The following ANKIB1 variants were observed in gnomAD, a reference collection of about 807,000 sequenced individuals.
ANKIB1 encodes ankyrin repeat and IBR domain-containing protein 1.
A neutral mutation model predicts 122.1 loss-of-function variants in ANKIB1; 43 were observed. The observed-to-expected ratio is 0.35, with a 90% CI of 0.28 to 0.45. The LOEUF (loss-of-function observed/expected upper bound fraction) is 0.45. Among genes scored for constraint, ANKIB1 ranks in the 20% least tolerant of loss-of-function variants. The probability of loss-of-function intolerance (pLI) is 1.00; values close to 1 mark genes in which losing one functional copy is unlikely to be tolerated. For synonymous variants in ANKIB1, 390 were observed against 442.0 expected (o/e 0.88, Z 1.48); for missense variants, 992 against 1,329.5 (o/e 0.75, Z 3.95).
At chr7:92,317,098 A>T (rs985722302) in intron 3 of ANKIB1, among the ~76,000 whole-genome samples, 1 of 152,162 alleles carries the variant, frequency 6.6e-6, no homozygotes, top group African/African-American at 2.4e-5. Flanking sequence ...AACCTGTGAA[A>T]CAGAGAGGGT....
intron 8 of ANKIB1, among the ~76,000 whole-genome samples, chr7:92,351,298 G>T (rs1803656849): frequency 6.6e-6 from 1 of 152,022 alleles, no homozygotes; most frequent in African/African-American, 2.4e-5. Context: ...AGAGGAAAGG[G>T]GAAAGGCTAA....
intron 11 of ANKIB1, among the ~76,000 whole-genome samples, chr7:92,380,114 G>C (rs980745087): frequency 6.6e-6 from 1 of 152,214 alleles, no homozygotes; most frequent in African/African-American, 2.4e-5. Context: ...TGGCTCAGCA[G>C]GTCCCACACC....
At position 92,307,475 on chromosome 7, in the gene ANKIB1, G is replaced by T. The variant is rs748534845; in HGVS notation, c.305G>T (p.Arg102Leu). The T allele has an allele frequency of 6.2e-6, 10 of 1,613,676 alleles. No homozygotes were observed. Among genetic ancestry groups the T allele is most frequent in the Middle Eastern group, 1.6e-4 (1 of 6,084 alleles). The stretch of plus-strand genomic sequence containing the variant: ...ATATCTGAAGGAGCCCTTCATCCTC[G>T]CTTGGCACGCCCCACAGAAGATGAT... Reference protein sequence around the residue: ...IMISEGALHPRLARPTEDDFR... With the variant: ...IMISEGALHPLLARPTEDDFR... Residue 102 changes from arginine (R) to leucine (L), a missense_variant, in exon 3 of 20, where the codon CGC becomes CTC. Physicochemically the swap from Arg to Leu is moderately radical, Grantham distance 102 (BLOSUM62 -2). Transcript: ENST00000265742.
rs745642214 is a variant in ANKIB1 at position 92,246,494 on chromosome 7, C to T, written c.-116C>T. 2 of 518,500 alleles carry T rather than the reference C, an allele frequency of 3.9e-6. No individual in the cohort carries two copies. The highest frequency in any genetic ancestry group is 2.8e-5 in the South Asian group (2 of 71,518). The allele number at this position is 518,500 out of a possible 1,614,324, so 32.1% of individuals were successfully genotyped here. On this transcript the variant is annotated 5_prime_UTR_variant, in exon 1 of 20. Transcript: ENST00000265742. ...CTGCGGAGTTGCTGGGTCCACCGAC[C>T]CTTACCCTCAGCGAGAGAAGTAACC... is the stretch of plus-strand genomic sequence containing the variant.
At chr7:92,260,858 T>A (rs558225114) in intron 1 of ANKIB1, among the ~76,000 whole-genome samples, 1 of 152,184 alleles carries the variant, frequency 6.6e-6, no homozygotes, top group Admixed American at 6.5e-5. Flanking sequence ...TAGCACATGA[T>A]AGGTGGTTGA....
intron 2 of ANKIB1, among the ~76,000 whole-genome samples, chr7:92,305,412 G>A (rs1159142605): frequency 6.6e-6 from 1 of 152,134 alleles, no homozygotes; most frequent in Non-Finnish European, 1.5e-5. Flanking sequence ...TCAAAATTAT[G>A]GCATGAATTT....
At position 92,351,651 on chromosome 7, in the gene ANKIB1, C is replaced by A. The variant is rs1451510721; in HGVS notation, c.1230+557C>A. Among the ~76,000 whole-genome samples, 3 of 150,018 alleles carry A rather than the reference C, an allele frequency of 2.0e-5. No homozygotes were observed. In the East Asian group the frequency reaches 5.8e-4, roughly 29 times the overall value. ...GTGTGATTTAAAAGTTACATTTTAA[C>A]TGCTTTGTGCAGATTTTACTGAGTC... On this transcript the variant is annotated intron_variant, in intron 8 of 19. Transcript: ENST00000265742.
chr7:92,319,808 A>G (rs1165191379), intron 4 of ANKIB1: 2 of 288,332 alleles, frequency 6.9e-6, no homozygotes, highest in Non-Finnish European at 1.3e-5. Flanking sequence ...GGTGGCCCAC[A>G]CTCATTGTCC....
intron 1 of ANKIB1, among the ~76,000 whole-genome samples, chr7:92,258,900 C>A (rs1209666049): frequency 1.3e-5 from 2 of 152,102 alleles, no homozygotes; most frequent in Non-Finnish European, 2.9e-5. Context: ...GTAGCATCAA[C>A]CACACATCAA....
chr7:92,300,926 A>G (rs1802444869), intron 2 of ANKIB1, among the ~76,000 whole-genome samples: 1 of 152,102 alleles, frequency 6.6e-6, no homozygotes, highest in African/African-American at 2.4e-5. Context: ...AAAATTCTAC[A>G]TATAAGTGAG....
chr7:92,268,340 G>A lies in ANKIB1; in HGVS notation c.-91+21821G>A, dbSNP rs117791130. ...GAACCGCTGTCAGGTAAATAAAATT[G>A]GAATATAATGGAAGAAAGCATTTCT... On this transcript the variant is annotated intron_variant, in intron 1 of 19. Coordinates refer to ENST00000265742, the MANE Select transcript of ANKIB1 (RefSeq NM_019004.2). Among the ~76,000 whole-genome samples, 125 of 152,236 alleles carry A rather than the reference G, an allele frequency of 8.2e-4. 1 individual carries two copies. In the East Asian group the frequency reaches 0.019, roughly 23 times the overall value.
chr7:92,299,460 T>G (rs1258865680), intron 2 of ANKIB1, among the ~76,000 whole-genome samples: 1 of 152,206 alleles, frequency 6.6e-6, no homozygotes, highest in Non-Finnish European at 1.5e-5. Flanking sequence ...TTTAAGAAAT[T>G]ACCGATGTTG....
Position 92,371,468 on chromosome 7 carries a change from A to T in ANKIB1, c.1487-9A>T. ...ATTTATTTTTGTGATTGTGTTTAATATCCCAAAGTTGTGGGAGTTAGTGAA... is the reference window on the plus strand; with the variant it reads ...ATTTATTTTTGTGATTGTGTTTAATTTCCCAAAGTTGTGGGAGTTAGTGAA... On this transcript the variant is annotated splice_polypyrimidine_tract_variant and intron_variant, in intron 10 of 19. Transcript: ENST00000265742. The T allele has an allele frequency of 6.2e-7, 1 of 1,600,132 alleles. No individual in the cohort carries two copies. The highest frequency in any genetic ancestry group is 8.5e-7 in the Non-Finnish European group (1 of 1,172,486).
At chr7:92,392,371 A>G (rs1057052871) in intron 17 of ANKIB1, 79 bp downstream of exon 17, 6 of 1,284,774 alleles carry the variant, frequency 4.7e-6, no homozygotes, top group Non-Finnish European at 6.6e-6. Context: ...TATCTATTCT[A>G]AATCCTTCTG....
chr7:92,331,545 A>AT (rs1250040898), intron 5 of ANKIB1, among the ~76,000 whole-genome samples: 1 of 152,082 alleles, frequency 6.6e-6, no homozygotes. Flanking sequence ...GAGTGTTGGG[A>AT]TTACAGGCAT....
At chr7:92,391,108 T>C (rs1242353181) in intron 15 of ANKIB1, 58 bp from the exon 16 acceptor site, 5 of 1,422,072 alleles carry the variant, frequency 3.5e-6, no homozygotes, top group Non-Finnish European at 4.7e-6. Context: ...AGACCCTGGA[T>C]TTGCTATTGA....
Position 92,294,892 on chromosome 7 carries a change from G to T in ANKIB1, c.-87G>T. On this transcript the variant is annotated 5_prime_UTR_variant, in exon 2 of 20. It removes an upstream start codon present in the reference 5' UTR. Transcript: ENST00000265742. ...TGAATAACTTTTCCTTCATTAGAATGTGAAAGATGTTGCAGAAGTGTTCCA... is the reference window on the plus strand; with the variant it reads ...TGAATAACTTTTCCTTCATTAGAATTTGAAAGATGTTGCAGAAGTGTTCCA... 3 of 902,652 alleles carry T rather than the reference G, an allele frequency of 3.3e-6. No individual in the cohort carries two copies. The highest frequency in any genetic ancestry group is 4.8e-6 in the Non-Finnish European group (3 of 624,820). 55.9% of individuals were successfully genotyped at this position (902,652 alleles called of 1,614,324 possible). A position where few individuals can be genotyped will look rare whatever the true frequency, so the allele number is the denominator to read the frequency against.
intron 1 of ANKIB1, among the ~76,000 whole-genome samples, chr7:92,249,552 C>G (rs1355722541): frequency 1.3e-5 from 2 of 152,070 alleles, no homozygotes; most frequent in African/African-American, 2.4e-5. Context: ...AACTCTGTCT[C>G]TACTAAAGAT....
intron 1 of ANKIB1, among the ~76,000 whole-genome samples, chr7:92,286,588 T>C (rs926913509): frequency 1.3e-5 from 2 of 151,758 alleles, no homozygotes; most frequent in African/African-American, 2.4e-5. Flanking sequence ...TAATCGATTC[T>C]CCTGCCTCAG....
Sources: allele counts gnomAD v4.1 joint callset (sites outside exome capture counted in the v4.1 genomes callset), GRCh38; gene constraint gnomAD v4.1.1; transcripts MANE v1.5; gene names NCBI Gene and HGNC (gene_info 2026-07-23, HGNC 2026-07-21).